The following AGT variants were observed in gnomAD, a reference collection of about 807,000 sequenced individuals.
AGT encodes the protein alpha-1 antiproteinase, antitrypsin.
In AGT, 26 loss-of-function variants were observed where a neutral mutation model predicts 28.1. The ratio of observed to expected loss-of-function variants is 0.92; its 90% confidence interval spans 0.68 to 1.28. The LOEUF (loss-of-function observed/expected upper bound fraction) is 1.28. AGT is among the 50% of genes most tolerant of loss of function. AGT has a pLI of 0.00. For synonymous variants in AGT, 259 were observed against 259.6 expected (o/e 1.00, Z 0.02); for missense variants, 596 against 592.3 (o/e 1.01, Z -0.06).
chr1:230,736,135 T>C (rs922877105), intron 1 of AGT, among the ~76,000 whole-genome samples: 1 of 152,008 alleles, frequency 6.6e-6, no homozygotes, highest in Admixed American at 6.6e-5. Context: ...CTTCCAAGCT[T>C]CTGAAACACA....
chr1:230,736,295 G>A (rs1664154157), intron 1 of AGT, among the ~76,000 whole-genome samples: 1 of 151,994 alleles, frequency 6.6e-6, no homozygotes, highest in South Asian at 2.1e-4. Flanking sequence ...AGGCTGAGGT[G>A]GGCAGATCAT....
At chr1:230,720,989 A>C (rs750237610) in intron 1 of AGT, among the ~76,000 whole-genome samples, 1 of 152,200 alleles carries the variant, frequency 6.6e-6, no homozygotes, top group Non-Finnish European at 1.5e-5. Flanking sequence ...GACCTGGCCC[A>C]GGGGGGCCGA....
chr1:230,703,888 T>A (rs1458211398), intron 4 of AGT, among the ~76,000 whole-genome samples: 1 of 152,148 alleles, frequency 6.6e-6, no homozygotes, highest in Non-Finnish European at 1.5e-5. Flanking sequence ...CTTGCTGTCT[T>A]CATCCCGGTT....
chr1:230,710,834 G>A lies in AGT; in HGVS notation c.-11C>T. On this transcript the variant is annotated 5_prime_UTR_variant, in exon 2 of 5. Coordinates refer to ENST00000366667, the MANE Select transcript of AGT (RefSeq NM_001384479.1). ...ACCGGCAGGAGCCATCTCAGACTGGGGTGCTCGCTTCCGCATACCCTGAAA... is the reference window on the plus strand; with the variant it reads ...ACCGGCAGGAGCCATCTCAGACTGGAGTGCTCGCTTCCGCATACCCTGAAA... 2 of 1,613,640 alleles carry A rather than the reference G, an allele frequency of 1.2e-6. No homozygotes were observed. The highest frequency in any genetic ancestry group is 1.7e-6 in the Non-Finnish European group (2 of 1,180,030).
At chr1:230,739,430 T>C (rs1664206610) in intron 1 of AGT, among the ~76,000 whole-genome samples, 1 of 151,916 alleles carries the variant, frequency 6.6e-6, no homozygotes, top group Non-Finnish European at 1.5e-5. Context: ...CACCAGGGTG[T>C]TGCCCTGAGC....
chr1:230,725,257 G>A (rs1034572270), intron 1 of AGT, among the ~76,000 whole-genome samples: 14 of 152,158 alleles, frequency 9.2e-5, no homozygotes, highest in African/African-American at 3.1e-4. Context: ...TATGTAAAAT[G>A]TGAATTATCC....
chr1:230,703,045 T>A lies in AGT; in HGVS notation c.*96A>T, dbSNP rs1304630666. 2 of 1,375,436 alleles carry A rather than the reference T, an allele frequency of 1.5e-6. No homozygotes were observed. The highest frequency in any genetic ancestry group is 2.0e-6 in the Non-Finnish European group (2 of 991,348). 85.2% of individuals were successfully genotyped at this position (1,375,436 alleles called of 1,614,324 possible). On this transcript the variant is annotated 3_prime_UTR_variant, in exon 5 of 5. Coordinates refer to ENST00000366667, the MANE Select transcript of AGT (RefSeq NM_001384479.1). Reference sequence around the variant, plus strand: ...AAGGTGGGAGACTGGGGGTGACACATCGCTGATTTGTCCGGGGTTGTTATC... The same window carrying A: ...AAGGTGGGAGACTGGGGGTGACACAACGCTGATTTGTCCGGGGTTGTTATC...
Position 230,736,511 on chromosome 1 carries a change from T to G in AGT, c.-31+9004A>C, listed in dbSNP as rs562365451. Among the ~76,000 whole-genome samples, 3 of 152,010 alleles carry G rather than the reference T, an allele frequency of 2.0e-5. No individual in the cohort carries two copies. The South Asian group carries it at 6.2e-4, about 32-fold the overall frequency. On this transcript the variant is annotated intron_variant, in intron 1 of 4. Transcript: ENST00000681269. ...TCCAGCCTGGGTGACAGAGCGAGAC[T>G]CCATCTCGAAAAAAAAGAATTATTT...
Position 230,710,657 on chromosome 1 carries a change from G to A in AGT, c.167C>T (p.Pro56Leu). The A allele has an allele frequency of 6.2e-7, 1 of 1,614,252 alleles. No individual in the cohort carries two copies. The highest frequency in any genetic ancestry group is 8.5e-7 in the Non-Finnish European group (1 of 1,180,044). ...AKANAGKPKD[P>L]TFIPAPIQAK... is the part of the protein sequence containing the mutation. The stretch of plus-strand genomic sequence containing the variant: ...CTGAATTGGAGCAGGTATGAAGGTG[G>A]GGTCTTTGGGCTTCCCGGCATTGGC... The change falls in exon 2 of 5, where the codon CCC becomes CTC. Residue 56 changes from proline to leucine, a missense_variant. Coordinates refer to ENST00000366667, the MANE Select transcript of AGT (RefSeq NM_001384479.1).
intron 1 of AGT, among the ~76,000 whole-genome samples, chr1:230,735,326 G>C (rs181293416): frequency 6.6e-6 from 1 of 152,136 alleles, no homozygotes; most frequent in African/African-American, 2.4e-5. Flanking sequence ...GAGCAACCTG[G>C]TTTCACCTTC....
intron 1 of AGT, among the ~76,000 whole-genome samples, chr1:230,734,771 G>A (rs1664125329): frequency 6.6e-6 from 1 of 151,870 alleles, no homozygotes; most frequent in Non-Finnish European, 1.5e-5. Context: ...GTGCAGTGGT[G>A]CAATCTCGGC....
intron 1 of AGT, among the ~76,000 whole-genome samples, chr1:230,740,217 A>T (rs895133992): frequency 2.6e-5 from 4 of 152,156 alleles, no homozygotes; most frequent in African/African-American, 7.2e-5. Context: ...ATTAGTGTAT[A>T]ATGAGCAGTG....
intron 1 of AGT, among the ~76,000 whole-genome samples, chr1:230,742,346 C>T (rs923980875): frequency 5.9e-5 from 9 of 152,164 alleles, no homozygotes; most frequent in African/African-American, 9.7e-5. Flanking sequence ...GACAGAGTCT[C>T]GCACTGTCAC....
chr1:230,706,103 G>A lies in AGT; in HGVS notation c.927C>T (p.Thr309=), dbSNP rs1322685292. Reference sequence around the variant, plus strand: ...CCTGGATGTCACTCCAGTGCTGGAAGGTGCCCATGCCAGAGAGCATGGGAA... The same window carrying A: ...CCTGGATGTCACTCCAGTGCTGGAAAGTGCCCATGCCAGAGAGCATGGGAA... ...VSVPMLSGMG[T]FQHWSDIQDN... Residue 309 remains threonine, a synonymous_variant, in exon 3 of 5, where the codon ACC becomes ACT. Coordinates refer to ENST00000366667, the MANE Select transcript of AGT (RefSeq NM_001384479.1). The A allele has an allele frequency of 6.2e-7, 1 of 1,614,110 alleles. No individual in the cohort carries two copies. The highest frequency in any genetic ancestry group is 8.5e-7 in the Non-Finnish European group (1 of 1,180,012).
At chr1:230,742,562 G>A (rs1263582800) in intron 1 of AGT, among the ~76,000 whole-genome samples, 1 of 152,122 alleles carries the variant, frequency 6.6e-6, no homozygotes, top group Non-Finnish European at 1.5e-5. Flanking sequence ...TGATCCGCCT[G>A]CCTTAGCCTC....
At position 230,706,205 on chromosome 1, in the gene AGT, A is replaced by G. The variant is rs1427912749; in HGVS notation, c.830-5T>C. 1 of 1,612,926 alleles carries G rather than the reference A, an allele frequency of 6.2e-7. No individual in the cohort carries two copies. The highest frequency in any genetic ancestry group is 8.5e-7 in the Non-Finnish European group (1 of 1,179,344). ...GGGAGAAGCCCTTCATCTTCCCTGA[A>G]ATCCAGACAGGAGACAGGGAGGGAA... is the stretch of plus-strand genomic sequence containing the variant. On this transcript the variant is annotated splice_polypyrimidine_tract_variant and splice_region_variant and intron_variant, in intron 2 of 4. Transcript: ENST00000366667.
intron 3 of AGT, 43 bp from the exon 4 acceptor site, chr1:230,704,380 G>A (rs1663325241): frequency 1.9e-6 from 3 of 1,609,628 alleles, no homozygotes; most frequent in Non-Finnish European, 1.7e-6. Context: ...AGGCCACACA[G>A]TGAGGGCTCT....
chr1:230,730,063 C>T (rs554327662), intron 1 of AGT, among the ~76,000 whole-genome samples: 1 of 152,138 alleles, frequency 6.6e-6, no homozygotes, highest in East Asian at 2.0e-4. Flanking sequence ...CAGGAGGCTC[C>T]TGACCTTGTG....
Position 230,706,043 on chromosome 1 carries a change from C to G in AGT, c.987G>C (p.Glu329Asp). The G allele has an allele frequency of 3.1e-6, 5 of 1,614,174 alleles. No homozygotes were observed. Among genetic ancestry groups the G allele is most frequent in the Non-Finnish European group, 4.2e-6 (5 of 1,180,038 alleles). Reference sequence around the variant, plus strand: ...GCTGGATCAGCAGCAGGCAGGCGCTCTCAGTGAAGGGCACTTGAGTCACCG... The same window carrying G: ...GCTGGATCAGCAGCAGGCAGGCGCTGTCAGTGAAGGGCACTTGAGTCACCG... ...NFSVTQVPFT[E>D]SACLLLIQPH... The change falls in exon 3 of 5, where the codon GAG becomes GAC. Residue 329 changes from glutamate (E) to aspartate (D), a missense_variant. Coordinates refer to ENST00000366667, the MANE Select transcript of AGT (RefSeq NM_001384479.1).
Sources: gnomAD v4.1 joint callset for allele counts (sites outside exome capture counted in the v4.1 genomes callset) on GRCh38, gnomAD v4.1.1 for gene constraint, MANE v1.5 for transcripts, NCBI Gene and HGNC (gene_info 2026-07-23, HGNC 2026-07-21) for gene names.